Variants in HDLBP observed in about 807,000 individuals in gnomAD.
HDLBP encodes vigilin.
Under a neutral mutation model 137.3 loss-of-function variants are expected in HDLBP, and 30 were observed. The observed-to-expected ratio is 0.22, with a 90% CI of 0.16 to 0.30. The LOEUF is 0.30. HDLBP is among the 10% of genes least tolerant of loss of function. HDLBP has a pLI of 1.00. For missense variants in HDLBP, 1,119 were observed against 1,667.3 expected, an observed-to-expected ratio of 0.67 and a Z score of 5.73; for synonymous variants, 606 against 596.0, an observed-to-expected ratio of 1.02 and a Z score of -0.24.
At chr2:241,264,915 G>A (rs1052138296) in intron 3 of HDLBP, among the ~76,000 whole-genome samples, 6 of 152,090 alleles carry the variant, frequency 3.9e-5, no homozygotes, top group South Asian at 2.1e-4. Context: ...CTCCCCTAAC[G>A]GGGTGAGTCC....
chr2:241,298,426 G>T (rs1415209261), intron 1 of HDLBP, among the ~76,000 whole-genome samples: 1 of 152,008 alleles, frequency 6.6e-6, no homozygotes, highest in East Asian at 1.9e-4. Context: ...AGGAGCTTGA[G>T]GGGCTCTCAG....
intron 5 of HDLBP, among the ~76,000 whole-genome samples, chr2:241,261,342 G>C (rs1247827320): frequency 6.6e-6 from 1 of 152,172 alleles, no homozygotes; most frequent in African/African-American, 2.4e-5. Flanking sequence ...AGATGATGAG[G>C]AAAGTCCAAA....
At position 241,238,633 on chromosome 2, in the gene HDLBP, C is replaced by A. The variant is rs201904947; in HGVS notation, c.2749+16G>T. 1.3e-6 allele frequency: 2 copies of A among 1,543,270 alleles called. No homozygotes were observed. The highest frequency in any genetic ancestry group is 2.3e-5 in the East Asian group (1 of 43,232). On this transcript the variant is annotated intron_variant, in intron 20 of 27. Transcript: ENST00000310931. This position sits in a 1 kb window ranked among gnomAD's most constrained non-coding sequence, Gnocchi z 4.9. ...GCCACTATTAACAAGCAGAGCAGGG[C>A]TAATGGGGGACCCACCTGCGTTCTC...
intron 1 of HDLBP, among the ~76,000 whole-genome samples, chr2:241,297,872 A>G (rs1029349094): frequency 3.3e-5 from 5 of 151,534 alleles, no homozygotes; most frequent in African/African-American, 1.2e-4. Context: ...ACATGGTGAA[A>G]CCTTCTCTCT....
intron 23 of HDLBP, among the ~76,000 whole-genome samples, 175 bp from the exon 24 acceptor site, chr2:241,234,138 A>G (rs920986135): frequency 6.6e-6 from 1 of 152,198 alleles, no homozygotes; most frequent in African/African-American, 2.4e-5. Flanking sequence ...ATTATCTGCT[A>G]ATAATGAGAA....
At chr2:241,283,319 A>C (rs765516918) in intron 1 of HDLBP, among the ~76,000 whole-genome samples, 2 of 152,250 alleles carry the variant, frequency 1.3e-5, no homozygotes, top group African/African-American at 2.4e-5. Context: ...TGCACGGTGA[A>C]GCAGCAAGTG....
intron 1 of HDLBP, among the ~76,000 whole-genome samples, chr2:241,305,910 G>A (rs1311212778): frequency 1.3e-5 from 2 of 151,648 alleles, no homozygotes; most frequent in African/African-American, 2.4e-5. Context: ...ACAGGCATCC[G>A]CCACCATGCT....
At chr2:241,256,846 T>C (rs2072656996) in intron 5 of HDLBP, 40 bp from the exon 6 acceptor site, 1 of 1,561,922 alleles carries the variant, frequency 6.4e-7, no homozygotes. Context: ...AGAATATTTG[T>C]AGGTTCTGAA....
At position 241,233,737 on chromosome 2, in the gene HDLBP, G is replaced by C; in HGVS notation, c.3288+83C>G. ...AACTTGGCCCTCGAACCCCCATCTA[G>C]GCACATCTGGTTACTGCTCCCAAGT... is the stretch of plus-strand genomic sequence containing the variant. On this transcript the variant is annotated intron_variant, in intron 24 of 27. Transcript: ENST00000310931. This position sits in a 1 kb window ranked among gnomAD's most constrained non-coding sequence, Gnocchi z 4.3. 1.3e-6 allele frequency: 2 copies of C among 1,516,614 alleles called. No homozygotes were observed. The highest frequency in any genetic ancestry group is 1.8e-6 in the Non-Finnish European group (2 of 1,100,296). The allele number at this position is 1,516,614 out of a possible 1,614,324, so 93.9% of individuals were successfully genotyped here. A position where few individuals can be genotyped will look rare whatever the true frequency, so the allele number is the denominator to read the frequency against.
At chr2:241,252,274 G>A (rs35533015) in intron 11 of HDLBP, among the ~76,000 whole-genome samples, 11,560 of 152,230 alleles carry the variant, frequency 0.076, 560 homozygotes, top group Middle Eastern at 0.15. Flanking sequence ...GGCCAAGGTG[G>A]GCAGATCACC....
At chr2:241,304,113 C>A (rs967335933) in intron 1 of HDLBP, among the ~76,000 whole-genome samples, 1 of 152,306 alleles carries the variant, frequency 6.6e-6, no homozygotes, top group South Asian at 2.1e-4. Context: ...GTATTACAGG[C>A]ATAAGCCACC....
At chr2:241,247,475 G>C in intron 14 of HDLBP, 1 of 339,216 alleles carries the variant, frequency 2.9e-6, no homozygotes, top group Non-Finnish European at 5.6e-6. Context: ...TCACGGCAGT[G>C]ATGTGACAGC....
intron 1 of HDLBP, among the ~76,000 whole-genome samples, chr2:241,284,426 G>A (rs1354847692): frequency 6.6e-6 from 1 of 152,242 alleles, no homozygotes; most frequent in Non-Finnish European, 1.5e-5. Flanking sequence ...GCAATCTCAT[G>A]ATAAAACGTG....
intron 3 of HDLBP, among the ~76,000 whole-genome samples, 183 bp from the exon 4 acceptor site, chr2:241,264,788 C>T (rs1326635991): frequency 6.6e-6 from 1 of 152,116 alleles, no homozygotes; most frequent in African/African-American, 2.4e-5. Flanking sequence ...GTCACCAGGC[C>T]CAGCACCCTG....
rs561222310 is a variant in HDLBP, at chr2:241,264,816, A to C, written c.77-211T>G. On this transcript the variant is annotated intron_variant, in intron 3 of 27. Coordinates refer to ENST00000310931, the MANE Select transcript of HDLBP (RefSeq NM_005336.6). The stretch of plus-strand genomic sequence containing the variant: ...GCACCCTGAGTGTGAGAGCTAGAGG[A>C]GGCCAGAGACTCCCAGTCTCTGACA... Among the ~76,000 whole-genome samples, 8 of 152,206 alleles carry C rather than the reference A, an allele frequency of 5.3e-5. No individual in the cohort carries two copies. The South Asian group carries it at 1.7e-3, about 32-fold the overall frequency.
intron 1 of HDLBP, among the ~76,000 whole-genome samples, chr2:241,298,842 C>A (rs954280274): frequency 2.0e-5 from 3 of 152,146 alleles, no homozygotes; most frequent in Non-Finnish European, 4.4e-5. Flanking sequence ...AGGGACCCCA[C>A]AAAATAACTG....
At chr2:241,294,599 T>G (rs2075114572) in intron 1 of HDLBP, among the ~76,000 whole-genome samples, 1 of 152,148 alleles carries the variant, frequency 6.6e-6, no homozygotes, top group Non-Finnish European at 1.5e-5. Context: ...GCGCTGCGAC[T>G]ACAGGTGCGT....
At chr2:241,270,992 C>T in intron 1 of HDLBP, 10 of 985,120 alleles carry the variant, frequency 1.0e-5, no homozygotes, top group Non-Finnish European at 1.1e-5. Flanking sequence ...ACAGGAAATT[C>T]ATGGCCTTCT....
intron 12 of HDLBP, among the ~76,000 whole-genome samples, chr2:241,249,183 G>A (rs991188830): frequency 3.9e-5 from 6 of 152,172 alleles, no homozygotes; most frequent in African/African-American, 1.4e-4. Context: ...GAGATTCCTC[G>A]TGTGGGTACT....
Sources: allele counts gnomAD v4.1 joint callset (sites outside exome capture counted in the v4.1 genomes callset), GRCh38; gene constraint gnomAD v4.1.1; non-coding constraint Gnocchi (gnomAD v3.1); transcripts MANE v1.5; gene names NCBI Gene and HGNC (gene_info 2026-07-23, HGNC 2026-07-21).